The following KCNH7 variants were observed in gnomAD, a reference collection of about 807,000 sequenced individuals.
KCNH7 encodes the protein potassium voltage-gated channel subfamily H member 7.
KCNH7 carries 49 observed loss-of-function variants against 120.8 expected under a neutral mutation model. The ratio of observed to expected loss-of-function variants is 0.41; its 90% CI spans 0.32 to 0.51. The LOEUF (loss-of-function observed/expected upper bound fraction) is 0.51. Ranked by LOEUF, KCNH7 falls within the 20% of genes least tolerant of loss-of-function variation. The probability of loss-of-function intolerance (pLI) is 0.38; values close to 1 mark genes in which losing one functional copy is unlikely to be tolerated. For missense variants in KCNH7, 1,097 were observed against 1,446.6 expected (o/e 0.76, Z 3.92); for synonymous variants, 547 against 516.1 (o/e 1.06, Z -0.81).
chr2:162,739,059 T>G (rs1385496573), intron 2 of KCNH7, among the ~76,000 whole-genome samples: 1 of 152,170 alleles, frequency 6.6e-6, no homozygotes, highest in African/African-American at 2.4e-5. Context: ...TGAGTTCCCC[T>G]TGCCTACTGT....
intron 2 of KCNH7, among the ~76,000 whole-genome samples, chr2:162,799,407 G>A (rs943444035): frequency 6.6e-6 from 1 of 151,534 alleles, no homozygotes; most frequent in Non-Finnish European, 1.5e-5. Context: ...TATATTCCTT[G>A]TGGAACCACA....
intron 7 of KCNH7, among the ~76,000 whole-genome samples, chr2:162,442,017 T>C (rs926032388): frequency 9.8e-6 from 1 of 101,900 alleles, no homozygotes; most frequent in African/African-American, 4.9e-5. Flanking sequence ...TTTTTTTTTT[T>C]TTTTTTTTTT....
chr2:162,418,907 C>T (rs1185444115), intron 9 of KCNH7, among the ~76,000 whole-genome samples: 1 of 152,062 alleles, frequency 6.6e-6, no homozygotes, highest in Non-Finnish European at 1.5e-5. Context: ...CAGGTCTATG[C>T]TGTGTCACTC....
intron 2 of KCNH7, among the ~76,000 whole-genome samples, chr2:162,605,988 T>C (rs1184469995): frequency 6.6e-6 from 1 of 152,102 alleles, no homozygotes; most frequent in Admixed American, 6.6e-5. Context: ...TTTTTGTATT[T>C]TTATGTTAGT....
intron 2 of KCNH7, among the ~76,000 whole-genome samples, chr2:162,743,796 C>T (rs1688220844): frequency 6.6e-6 from 1 of 152,090 alleles, no homozygotes; most frequent in Non-Finnish European, 1.5e-5. Flanking sequence ...CTTGGTTACT[C>T]ATAAAAACCT....
At chr2:162,675,259 C>T (rs755711743) in intron 2 of KCNH7, among the ~76,000 whole-genome samples, 1 of 151,488 alleles carries the variant, frequency 6.6e-6, no homozygotes, top group East Asian at 1.9e-4. Flanking sequence ...CAAATCAGAG[C>T]TCAAATGTGT....
intron 2 of KCNH7, among the ~76,000 whole-genome samples, chr2:162,704,006 G>T (rs1456369081): frequency 1.3e-5 from 2 of 152,036 alleles, no homozygotes; most frequent in Non-Finnish European, 2.9e-5. Context: ...AAAAATAAAG[G>T]TACAAGAGGT....
At position 162,580,488 on chromosome 2, in the gene KCNH7, C is replaced by A. The variant is rs143128641; in HGVS notation, c.308-43408G>T. Among the ~76,000 whole-genome samples, 3 of 152,100 alleles carry A rather than the reference C, an allele frequency of 2.0e-5. No individual in the cohort carries two copies. In the East Asian group the frequency reaches 5.8e-4, roughly 29 times the overall value. On this transcript the variant is annotated intron_variant, in intron 2 of 15. Coordinates refer to ENST00000332142, the MANE Select transcript of KCNH7 (RefSeq NM_033272.4). ...GAGGAGGGACACAGCACAAAATTAC[C>A]CTATTCCACTCAATTTTGTAATACT...
At chr2:162,375,077 C>A (rs1215084010) in intron 14 of KCNH7, among the ~76,000 whole-genome samples, 2 of 152,036 alleles carry the variant, frequency 1.3e-5, no homozygotes, top group Non-Finnish European at 2.9e-5. Context: ...TATCTGTATC[C>A]CAAAATCTTT....
At chr2:162,547,738 C>A (rs1692529449) in intron 2 of KCNH7, among the ~76,000 whole-genome samples, 1 of 151,168 alleles carries the variant, frequency 6.6e-6, no homozygotes, top group African/African-American at 2.4e-5. Context: ...GGGAGGCCTT[C>A]ATTTACACCT....
intron 2 of KCNH7, among the ~76,000 whole-genome samples, chr2:162,706,179 C>A (rs1191963810): frequency 6.6e-6 from 1 of 152,100 alleles, no homozygotes; most frequent in Non-Finnish European, 1.5e-5. Flanking sequence ...ATGTCTTAGC[C>A]AACCTAGTAA....
chr2:162,509,578 A>G (rs1432928386), intron 5 of KCNH7, among the ~76,000 whole-genome samples: 1 of 151,662 alleles, frequency 6.6e-6, no homozygotes, highest in Non-Finnish European at 1.5e-5. Flanking sequence ...ACTTAGAAAA[A>G]TGCATAAGAA....
chr2:162,595,957 A>G (rs770928739), intron 2 of KCNH7, among the ~76,000 whole-genome samples: 4 of 152,090 alleles, frequency 2.6e-5, no homozygotes, highest in Non-Finnish European at 5.9e-5. Flanking sequence ...TCACATTTAT[A>G]ATAGCATAAA....
intron 6 of KCNH7, among the ~76,000 whole-genome samples, chr2:162,479,532 T>C (rs1689855781): frequency 6.6e-6 from 1 of 152,206 alleles, no homozygotes; most frequent in Non-Finnish European, 1.5e-5. Context: ...TTTTGGTTCT[T>C]GTTTATTTCA....
intron 2 of KCNH7, among the ~76,000 whole-genome samples, chr2:162,756,097 G>A (rs557255793): frequency 5.3e-5 from 8 of 152,232 alleles, no homozygotes; most frequent in African/African-American, 1.9e-4. Context: ...ATCATCATAA[G>A]TGAGTTATAA....
chr2:162,440,967 A>T (rs1688398056), intron 7 of KCNH7, among the ~76,000 whole-genome samples: 5 of 152,148 alleles, frequency 3.3e-5, no homozygotes, highest in Admixed American at 3.3e-4. Context: ...GTTATACTTT[A>T]TGCCATCTCT....
At chr2:162,724,725 C>T (rs1437926508) in intron 2 of KCNH7, among the ~76,000 whole-genome samples, 3 of 152,090 alleles carry the variant, frequency 2.0e-5, no homozygotes, top group South Asian at 4.2e-4. Context: ...TGATCTCTCT[C>T]TTCCTCTCTC....
At position 162,743,875 on chromosome 2, in the gene KCNH7, AT is replaced by A. The variant is rs563991830; in HGVS notation, c.307+92661del. Reference sequence around the variant, plus strand: ...CTAAAGAGAAATAATATATTTTAAAATATTTTTTCATATATAATACTAGTGG... The same window carrying A: ...CTAAAGAGAAATAATATATTTTAAAAATTTTTTCATATATAATACTAGTGG... On this transcript the variant is annotated intron_variant, in intron 2 of 15. Coordinates refer to ENST00000332142, the MANE Select transcript of KCNH7 (RefSeq NM_033272.4). 5.6e-4 allele frequency among the ~76,000 whole-genome samples: 86 copies of A among 152,262 alleles called. 1 individual carries two copies. In the South Asian group the frequency reaches 0.011, roughly 19 times the overall value.
intron 2 of KCNH7, among the ~76,000 whole-genome samples, chr2:162,669,612 G>A (rs556929802): frequency 1.5e-4 from 23 of 152,242 alleles, no homozygotes; most frequent in South Asian, 6.2e-4. Flanking sequence ...TATTTGCACC[G>A]CTCATTCAGA....
Sources: gnomAD v4.1 joint callset for allele counts (sites outside exome capture counted in the v4.1 genomes callset) on GRCh38, gnomAD v4.1.1 for gene constraint, MANE v1.5 for transcripts, NCBI Gene and HGNC (gene_info 2026-07-23, HGNC 2026-07-21) for gene names.